TMEM266: variants seen among roughly 807,000 people sequenced by gnomAD.
TMEM266 encodes the protein Hv1 related protein 1.
In TMEM266, 33 loss-of-function variants were observed where a neutral mutation model predicts 50.5. The ratio of observed to expected loss-of-function variants is 0.65; its 90% CI spans 0.50 to 0.87. TMEM266 has a LOEUF of 0.87. TMEM266 is among the 40% of genes least tolerant of loss of function. The probability of loss-of-function intolerance (pLI) is 0.00; values close to 1 mark genes in which losing one functional copy is unlikely to be tolerated. For synonymous variants in TMEM266, 310 were observed against 292.3 expected (o/e 1.06, Z -0.62); for missense variants, 655 against 695.1 (o/e 0.94, Z 0.65).
At chr15:76,078,263 G>A (rs573210522) in intron 1 of TMEM266, among the ~76,000 whole-genome samples, 16 of 152,154 alleles carry the variant, frequency 1.1e-4, no homozygotes, top group Non-Finnish European at 1.6e-4. Context: ...TTGATTCCAT[G>A]CGACTTACAG....
chr15:76,093,674 T>G (rs1372506665), intron 1 of TMEM266, among the ~76,000 whole-genome samples: 1 of 152,080 alleles, frequency 6.6e-6, no homozygotes, highest in African/African-American at 2.4e-5. Flanking sequence ...TTCTAGATCC[T>G]TGAGGAATCA....
chr15:76,141,556 A>G (rs2037678836), intron 3 of TMEM266, among the ~76,000 whole-genome samples: 1 of 152,176 alleles, frequency 6.6e-6, no homozygotes, highest in Non-Finnish European at 1.5e-5. Context: ...ACTTTTTTAA[A>G]AAAGCATTTT....
chr15:76,200,181 C>CAG (rs1375029511), intron 9 of TMEM266, among the ~76,000 whole-genome samples: 1 of 152,144 alleles, frequency 6.6e-6, no homozygotes, highest in Non-Finnish European at 1.5e-5. Flanking sequence ...AGCTGATGAC[C>CAG]AGAGCTGCTC....
rs998341946 is a variant in TMEM266 at position 76,204,936 on chromosome 15, T to C, written c.*621T>C. On this transcript the variant is annotated 3_prime_UTR_variant, in exon 11 of 11. Transcript: ENST00000388942. ...GAACAACCATTTTCCAACCTTGGCTTTAATAATAAAAACCAGCTGCACTGA... is the reference window on the plus strand; with the variant it reads ...GAACAACCATTTTCCAACCTTGGCTCTAATAATAAAAACCAGCTGCACTGA... 6.6e-6 allele frequency: 1 copy of C among 152,658 alleles called. No individual in the cohort carries two copies. The highest frequency in any genetic ancestry group is 1.5e-5 in the Non-Finnish European group (1 of 68,094). 9.5% of individuals were successfully genotyped at this position (152,658 alleles called of 1,614,324 possible).
At chr15:76,113,134 T>C (rs1453701439) in intron 1 of TMEM266, 5 of 152,000 alleles carry the variant, frequency 3.3e-5, no homozygotes, top group Non-Finnish European at 7.4e-5. Flanking sequence ...GCCAACATGG[T>C]GACACCCCGT....
At chr15:76,099,679 G>T (rs2036972296) in intron 1 of TMEM266, among the ~76,000 whole-genome samples, 1 of 152,206 alleles carries the variant, frequency 6.6e-6, no homozygotes, top group African/African-American at 2.4e-5. Context: ...GAATGTACGG[G>T]TGTGCTCTGC....
At chr15:76,202,312 C>A in intron 10 of TMEM266, 48 bp downstream of exon 10, 4 of 1,537,074 alleles carry the variant, frequency 2.6e-6, no homozygotes, top group South Asian at 1.2e-5. Context: ...CCCCAGCAAT[C>A]CCTAAACCCA....
At chr15:76,189,707 T>C (rs1416512656) in intron 8 of TMEM266, among the ~76,000 whole-genome samples, 2 of 152,058 alleles carry the variant, frequency 1.3e-5, no homozygotes, top group African/African-American at 4.8e-5. Context: ...GAGACTGAGC[T>C]CCCCCACCCT....
rs1293242386 is a variant in TMEM266 at position 76,204,842 on chromosome 15, T to C, written c.*527T>C. ...TTTCTGAGTCTCTTCAAGACGAATCTAGTTTTCACCTTCACAGGATATAAA... is the reference window on the plus strand; with the variant it reads ...TTTCTGAGTCTCTTCAAGACGAATCCAGTTTTCACCTTCACAGGATATAAA... On this transcript the variant is annotated 3_prime_UTR_variant, in exon 11 of 11. Transcript: ENST00000388942. 1 of 153,088 alleles carries C rather than the reference T, an allele frequency of 6.5e-6. No homozygotes were observed. Among genetic ancestry groups the C allele is most frequent in the Admixed American group, 6.5e-5 (1 of 15,338 alleles). 9.5% of individuals were successfully genotyped at this position (153,088 alleles called of 1,614,324 possible).
At chr15:76,102,840 CA>C (rs576336505) in intron 1 of TMEM266, among the ~76,000 whole-genome samples, 4,824 of 48,372 alleles carry the variant, frequency 0.1, 87 homozygotes, top group Middle Eastern at 0.16. Context: ...CCCTTATCTC[CA>C]AAAAAAAAAA....
At chr15:76,185,029 C>G (rs1353704125) in intron 8 of TMEM266, among the ~76,000 whole-genome samples, 10 of 152,206 alleles carry the variant, frequency 6.6e-5, no homozygotes, top group African/African-American at 9.6e-5. Flanking sequence ...CGTGTGAGCC[C>G]TGGGGAGCCC....
At chr15:76,125,670 A>G (rs538141542) in intron 1 of TMEM266, among the ~76,000 whole-genome samples, 1 of 152,222 alleles carries the variant, frequency 6.6e-6, no homozygotes, top group African/African-American at 2.4e-5. Flanking sequence ...CAACATGGCG[A>G]AACCCCATCT....
intron 1 of TMEM266, among the ~76,000 whole-genome samples, chr15:76,093,619 G>GTA (rs1294707975): frequency 6.6e-6 from 1 of 152,008 alleles, no homozygotes; most frequent in African/African-American, 2.4e-5. Flanking sequence ...AATCCTTTGG[G>GTA]TATATACCCA....
intron 9 of TMEM266, among the ~76,000 whole-genome samples, chr15:76,198,108 T>C (rs1460601152): frequency 6.6e-6 from 1 of 152,088 alleles, no homozygotes; most frequent in Non-Finnish European, 1.5e-5. Flanking sequence ...ACATTCATGA[T>C]CTCAGGGACT....
chr15:76,062,747 G>A (rs889480292), intron 1 of TMEM266, among the ~76,000 whole-genome samples: 5 of 152,258 alleles, frequency 3.3e-5, no homozygotes, highest in African/African-American at 1.2e-4. Flanking sequence ...TCGTGCAAAG[G>A]CCAATTCAGG....
chr15:76,067,685 G>T (rs2036456240), intron 1 of TMEM266, among the ~76,000 whole-genome samples: 2 of 146,162 alleles, frequency 1.4e-5, no homozygotes, highest in African/African-American at 5.0e-5. Flanking sequence ...AGTCATTCTT[G>T]GGTTTTTTTT....
chr15:76,068,633 ATCTC>A, intron 1 of TMEM266, among the ~76,000 whole-genome samples: 1 of 152,320 alleles, frequency 6.6e-6, no homozygotes, highest in Non-Finnish European at 1.5e-5. Flanking sequence ...GAAAGATACT[ATCTC>A]TCTCTCCTGC....
chr15:76,189,354 G>C (rs1350342965), intron 8 of TMEM266, among the ~76,000 whole-genome samples: 1 of 144,868 alleles, frequency 6.9e-6, no homozygotes, highest in Non-Finnish European at 1.5e-5. Flanking sequence ...AGAAGGAGGG[G>C]AGGGAGGGAG....
intron 1 of TMEM266, among the ~76,000 whole-genome samples, chr15:76,060,400 G>A (rs1280557395): frequency 6.6e-6 from 1 of 152,144 alleles, no homozygotes; most frequent in Non-Finnish European, 1.5e-5. Flanking sequence ...TTGCAGTATG[G>A]CAAGCGGGCG....
Sources: gnomAD v4.1 joint callset for allele counts (sites outside exome capture counted in the v4.1 genomes callset) on GRCh38, gnomAD v4.1.1 for gene constraint, MANE v1.5 for transcripts, NCBI Gene and HGNC (gene_info 2026-07-23, HGNC 2026-07-21) for gene names.